Variants in ACSBG2 observed in about 807,000 individuals in gnomAD.
ACSBG2 encodes the protein long-chain-fatty-acid--CoA ligase ACSBG2.
A neutral mutation model predicts 74.7 loss-of-function variants in ACSBG2; 62 were observed. The ratio of observed to expected loss-of-function variants is 0.83; its 90% CI spans 0.68 to 1.03. ACSBG2 has a LOEUF of 1.03. Among genes scored for constraint, ACSBG2 ranks in the 50% least tolerant of loss-of-function variants. The pLI, the probability that ACSBG2 is intolerant of heterozygous loss-of-function variation, is 0.00. For synonymous variants in ACSBG2, 309 were observed against 294.1 expected (o/e 1.05, Z -0.52); for missense variants, 730 against 817.6 (o/e 0.89, Z 1.31).
At chr19:6,181,813 G>T (rs868035814) in intron 8 of ACSBG2, among the ~76,000 whole-genome samples, 1 of 54,418 alleles carries the variant, frequency 1.8e-5, no homozygotes, top group Non-Finnish European at 3.4e-5. Context: ...GTCCCCACCC[G>T]CCCCCCCCCC....
chr19:6,156,405 C>T, intron 4 of ACSBG2, 26 bp from the exon 5 acceptor site: 2 of 1,576,936 alleles, frequency 1.3e-6, no homozygotes, highest in Non-Finnish European at 1.7e-6. Flanking sequence ...TGTGGATGCA[C>T]ACACGAATTT....
chr19:6,179,293 ATTT>A (rs1169472742), intron 8 of ACSBG2, among the ~76,000 whole-genome samples: 5,383 of 118,494 alleles, frequency 0.045, 191 homozygotes, highest in African/African-American at 0.11. Flanking sequence ...TCTTTTCTAA[ATTT>A]TTTTTTTTTT....
chr19:6,167,473 C>T (rs2089841754), intron 7 of ACSBG2, among the ~76,000 whole-genome samples: 1 of 152,184 alleles, frequency 6.6e-6, no homozygotes, highest in South Asian at 2.1e-4. Flanking sequence ...CTAGGATCAT[C>T]CCCCTGGGTC....
At chr19:6,181,826 A>G (rs1216209478) in intron 8 of ACSBG2, among the ~76,000 whole-genome samples, 1 of 9,048 alleles carries the variant, frequency 1.1e-4, no homozygotes, top group East Asian at 3.8e-3. Flanking sequence ...CCCCCCCCCA[A>G]CGAAATTTCC....
At chr19:6,175,066 G>A (rs2145194859) in intron 7 of ACSBG2, among the ~76,000 whole-genome samples, 2 of 152,238 alleles carry the variant, frequency 1.3e-5, no homozygotes, top group Middle Eastern at 6.8e-3. Context: ...TCTGAACCAG[G>A]AGTGTCTAAA....
Position 6,147,537 on chromosome 19 carries a change from C to T in ACSBG2, c.159C>T (p.Ile53=), listed in dbSNP as rs761813244. ...HGPGHETPMT[I]PEFFRESVNR... is the part of the protein sequence containing the mutation. ...CAGGCCATGAGACCCCGATGACCAT[C>T]CCTGAATTTTTTCGAGAGTCAGTCA... The change falls in exon 3 of 15, where the codon ATC becomes ATT. Residue 53 remains isoleucine (I), a synonymous_variant. Transcript: ENST00000588485. 8.7e-6 allele frequency: 14 copies of T among 1,614,052 alleles called. No homozygotes were observed. In the Admixed American group the frequency reaches 1.5e-4, roughly 17 times the overall value.
rs775437595 is a variant in ACSBG2 at position 6,183,158 on chromosome 19, AAG to A, written c.1212_1213del (p.Glu404AspfsTer20). 4.3e-6 allele frequency: 7 copies of A among 1,614,092 alleles called. No homozygotes were observed. The highest frequency in any genetic ancestry group is 1.6e-4 in the Middle Eastern group (1 of 6,084). ...ATCAGTGGGACTGCGCCCCTCAACC[AAG>A]AGACTGCCGAGTTCTTTCTAAGCTT... On this transcript the variant is annotated frameshift_variant, in exon 10 of 15. Coordinates refer to ENST00000588485, the MANE Select transcript of ACSBG2 (RefSeq NM_030924.5). LOFTEE classifies it high-confidence loss of function.
In ACSBG2 at chr19:6,163,276, C is replaced by T. The variant is rs867007200; in HGVS notation, c.588+1981C>T. ...CATCCTGGCCAACATGGTGAAACCC[C>T]GTCTCTACTAAAAAATACAAAAAAT... is the stretch of plus-strand genomic sequence containing the variant. On this transcript the variant is annotated intron_variant, in intron 6 of 14. Transcript: ENST00000588485. Among the ~76,000 whole-genome samples, 9 of 88,942 alleles carry T rather than the reference C, an allele frequency of 1.0e-4. 2 individuals carry two copies. Among genetic ancestry groups the T allele is most frequent in the African/African-American group, 2.8e-4 (9 of 31,646 alleles). 58.3% of individuals were successfully genotyped at this position (88,942 alleles called of 152,430 possible). A position where few individuals can be genotyped will look rare whatever the true frequency, so the allele number is the denominator to read the frequency against.
At chr19:6,145,817 A>AC (rs2089010756) in intron 2 of ACSBG2, among the ~76,000 whole-genome samples, 1 of 151,240 alleles carries the variant, frequency 6.6e-6, no homozygotes, top group South Asian at 2.1e-4. Flanking sequence ...CCCCTCAACA[A>AC]CCCCCTCAAC....
intron 2 of ACSBG2, among the ~76,000 whole-genome samples, 193 bp from the exon 3 acceptor site, chr19:6,147,253 C>T (rs113306880): frequency 5.9e-5 from 9 of 152,118 alleles, no homozygotes; most frequent in East Asian, 5.8e-4. Flanking sequence ...TAAAATTTGG[C>T]GGGGCGGGGA....
At chr19:6,144,733 C>T (rs2088967212) in intron 2 of ACSBG2, among the ~76,000 whole-genome samples, 1 of 151,336 alleles carries the variant, frequency 6.6e-6, no homozygotes, top group Non-Finnish European at 1.5e-5. Context: ...CTCACTCTGT[C>T]ACCCAGGCTG....
At chr19:6,141,317 T>C (rs1010079907) in intron 1 of ACSBG2, among the ~76,000 whole-genome samples, 196 bp from the exon 2 acceptor site, 4 of 152,116 alleles carry the variant, frequency 2.6e-5, no homozygotes, top group Non-Finnish European at 4.4e-5. Flanking sequence ...AACTCACAGA[T>C]TGAATACCCT....
chr19:6,146,414 G>A (rs1348427522), intron 2 of ACSBG2, among the ~76,000 whole-genome samples: 1 of 151,216 alleles, frequency 6.6e-6, no homozygotes, highest in African/African-American at 2.4e-5. Flanking sequence ...AGGTCGGGGT[G>A]AGCCAAGATC....
chr19:6,158,472 T>A (rs1013242218), intron 5 of ACSBG2, among the ~76,000 whole-genome samples: 1 of 151,520 alleles, frequency 6.6e-6, no homozygotes, highest in Admixed American at 6.6e-5. Context: ...AGTGTCTTTG[T>A]ATGGCTATTG....
At chr19:6,140,846 G>A (rs11880577) in intron 1 of ACSBG2, among the ~76,000 whole-genome samples, 94,131 of 152,022 alleles carry the variant, frequency 0.62, 30,326 homozygotes, top group Admixed American at 0.7. Flanking sequence ...CATATTTTCT[G>A]TTGTATTTCT....
intron 4 of ACSBG2, among the ~76,000 whole-genome samples, chr19:6,155,394 G>T (rs943499659): frequency 1.3e-5 from 2 of 152,174 alleles, no homozygotes; most frequent in Admixed American, 6.5e-5. Context: ...GGTAGTCAAA[G>T]ATTTCTTAGA....
chr19:6,179,745 C>T lies in ACSBG2; in HGVS notation c.906+2349C>T, dbSNP rs530147449. 7.2e-5 allele frequency among the ~76,000 whole-genome samples: 11 copies of T among 152,078 alleles called. No individual in the cohort carries two copies. The East Asian group carries it at 1.4e-3, about 19-fold the overall frequency. On this transcript the variant is annotated intron_variant, in intron 8 of 14. Coordinates refer to ENST00000588485, the MANE Select transcript of ACSBG2 (RefSeq NM_030924.5). ...ATTCTCATGTCTCAGTCTCCCAAGC[C>T]GGGATTACAGGCGTGCACCACCACG...
At position 6,190,669 on chromosome 19, in the gene ACSBG2, G is replaced by C. The variant is rs769397213; in HGVS notation, c.*12G>C. On this transcript the variant is annotated 3_prime_UTR_variant, in exon 14 of 15. Transcript: ENST00000588485. ...ACATGTACCACTGACTGCTTTGATGGAGCTGCTCTCAGCTGTTCTGATGGT... is the reference window on the plus strand; with the variant it reads ...ACATGTACCACTGACTGCTTTGATGCAGCTGCTCTCAGCTGTTCTGATGGT... 1 of 1,613,148 alleles carries C rather than the reference G, an allele frequency of 6.2e-7. No homozygotes were observed. The highest frequency in any genetic ancestry group is 2.2e-5 in the East Asian group (1 of 44,868).
intron 7 of ACSBG2, among the ~76,000 whole-genome samples, chr19:6,171,282 T>C (rs1020125454): frequency 6.6e-6 from 1 of 152,204 alleles, no homozygotes; most frequent in Admixed American, 6.5e-5. Flanking sequence ...TTGCTTTGTA[T>C]TCTTGATTGT....
Sources: gnomAD v4.1 joint callset for allele counts (sites outside exome capture counted in the v4.1 genomes callset) on GRCh38, gnomAD v4.1.1 for gene constraint, MANE v1.5 for transcripts, NCBI Gene and HGNC (gene_info 2026-07-23, HGNC 2026-07-21) for gene names.